COMMD1: variants seen among roughly 807,000 people sequenced by gnomAD.
COMMD1 encodes the protein COMM domain-containing protein 1.
A neutral mutation model predicts 17.2 loss-of-function variants in COMMD1; 10 were observed. The ratio of observed to expected loss-of-function variants is 0.58; its 90% CI spans 0.36 to 0.99. The LOEUF is 0.99. Ranked by LOEUF, COMMD1 falls within the 50% of genes least tolerant of loss-of-function variation. The probability of loss-of-function intolerance (pLI) is 0.01; values close to 1 mark genes in which losing one functional copy is unlikely to be tolerated. For missense variants in COMMD1, 270 were observed against 231.8 expected (o/e 1.17, Z -1.07); for synonymous variants, 97 against 91.6 (o/e 1.06, Z -0.34).
rs376905651 is a variant in COMMD1 at position 62,043,203 on chromosome 2, A to C, written c.462+42221A>C. ...AATAGCTTGTACCTTGGCCAGGTGGAGATTAAACAAGAACAGCAGTTACTA... is the reference window on the plus strand; with the variant it reads ...AATAGCTTGTACCTTGGCCAGGTGGCGATTAAACAAGAACAGCAGTTACTA... On this transcript the variant is annotated intron_variant, in intron 2 of 2. Coordinates refer to ENST00000311832, the MANE Select transcript of COMMD1 (RefSeq NM_152516.4). Among the ~76,000 whole-genome samples, 15 of 152,344 alleles carry C rather than the reference A, an allele frequency of 9.8e-5. No homozygotes were observed. The East Asian group carries it at 2.3e-3, about 23-fold the overall frequency.
intron 2 of COMMD1, among the ~76,000 whole-genome samples, chr2:62,097,065 A>G (rs992321729): frequency 2.0e-5 from 3 of 152,258 alleles, no homozygotes; most frequent in Admixed American, 1.3e-4. Flanking sequence ...AATGCACTAC[A>G]TAAATCAGTA....
At chr2:62,081,398 T>C in intron 2 of COMMD1, among the ~76,000 whole-genome samples, 1 of 151,894 alleles carries the variant, frequency 6.6e-6, no homozygotes, top group East Asian at 1.9e-4. Flanking sequence ...ATTACAGGAA[T>C]GTGCCACCAC....
rs1317530664 is a variant in COMMD1, at chr2:62,035,151, A to G, written c.462+34169A>G. Among the ~76,000 whole-genome samples, 5 of 152,228 alleles carry G rather than the reference A, an allele frequency of 3.3e-5. No homozygotes were observed. In the East Asian group the frequency reaches 9.6e-4, roughly 29 times the overall value. On this transcript the variant is annotated intron_variant, in intron 2 of 2. Coordinates refer to ENST00000311832, the MANE Select transcript of COMMD1 (RefSeq NM_152516.4). Reference sequence around the variant, plus strand: ...CAGCACAGGGCCTTGGATAGAGTGGAGTAGGCATTCATGATAAGTTTAACT... The same window carrying G: ...CAGCACAGGGCCTTGGATAGAGTGGGGTAGGCATTCATGATAAGTTTAACT...
chr2:62,101,448 A>C (rs1672174910), intron 2 of COMMD1, among the ~76,000 whole-genome samples: 1 of 152,108 alleles, frequency 6.6e-6, no homozygotes, highest in African/African-American at 2.4e-5. Context: ...ATCTCTACAA[A>C]AAATTTAAAA....
At chr2:61,978,661 G>T (rs1382520766) in intron 1 of COMMD1, among the ~76,000 whole-genome samples, 3 of 152,160 alleles carry the variant, frequency 2.0e-5, no homozygotes, top group Non-Finnish European at 4.4e-5. Flanking sequence ...TCATTCATCT[G>T]ACTGGCAGTT....
chr2:61,934,995 G>T (rs1670566449), intron 1 of COMMD1, among the ~76,000 whole-genome samples: 1 of 152,210 alleles, frequency 6.6e-6, no homozygotes, highest in South Asian at 2.1e-4. Flanking sequence ...TTATTTCCTG[G>T]AGCAGAGCAT....
chr2:62,069,076 CTT>C, intron 2 of COMMD1, among the ~76,000 whole-genome samples: 1 of 152,240 alleles, frequency 6.6e-6, no homozygotes, highest in Admixed American at 6.5e-5. Context: ...TTTACGAAAA[CTT>C]TGCTTTGTAT....
At chr2:62,113,244 C>T (rs1005445054) in intron 2 of COMMD1, among the ~76,000 whole-genome samples, 1 of 151,814 alleles carries the variant, frequency 6.6e-6, no homozygotes, top group South Asian at 2.1e-4. Context: ...ACTAGCTACT[C>T]AGGAGGCTGA....
At chr2:61,903,045 C>G (rs182922411), upstream of COMMD1, among the ~76,000 whole-genome samples, 1 of 152,102 alleles carries the variant, frequency 6.6e-6, no homozygotes, top group Non-Finnish European at 1.5e-5. Flanking sequence ...GTAAAACAAT[C>G]TATAGTTTGT....
At chr2:61,924,027 A>G (rs941496021) in intron 1 of COMMD1, among the ~76,000 whole-genome samples, 1 of 152,128 alleles carries the variant, frequency 6.6e-6, no homozygotes, top group African/African-American at 2.4e-5. Context: ...TCCACCCGCC[A>G]TGGCCTTCCA....
intron 1 of COMMD1, among the ~76,000 whole-genome samples, chr2:61,986,276 G>A (rs1183992301): frequency 6.6e-6 from 1 of 151,650 alleles, no homozygotes; most frequent in Non-Finnish European, 1.5e-5. Flanking sequence ...CATGTTATTT[G>A]TTTCTTTTCT....
rs1472732832 is a variant in COMMD1, at chr2:62,091,555, A to G, written c.463-44276A>G. Among the ~76,000 whole-genome samples, 9 of 152,328 alleles carry G rather than the reference A, an allele frequency of 5.9e-5. No homozygotes were observed. The East Asian group carries it at 1.5e-3, about 26-fold the overall frequency. On this transcript the variant is annotated intron_variant, in intron 2 of 2. Coordinates refer to ENST00000311832, the MANE Select transcript of COMMD1 (RefSeq NM_152516.4). ...GTGGAGGGTACATCTAAGTATGCCC[A>G]TGTCTGGGTATTCCATAATGCTTCC... is the stretch of plus-strand genomic sequence containing the variant.
At chr2:61,904,999 C>T (rs1040454696), upstream of COMMD1, among the ~76,000 whole-genome samples, 1 of 152,134 alleles carries the variant, frequency 6.6e-6, no homozygotes, top group African/African-American at 2.4e-5. Flanking sequence ...CACGTTGTAG[C>T]ATGTATCAGT....
chr2:61,968,644 C>T (rs1308840930), intron 1 of COMMD1, among the ~76,000 whole-genome samples: 1 of 152,056 alleles, frequency 6.6e-6, no homozygotes, highest in Admixed American at 6.6e-5. Flanking sequence ...GCAGCCTTGG[C>T]CTTCTGGGCT....
intron 2 of COMMD1, among the ~76,000 whole-genome samples, chr2:62,126,889 C>T (rs7593420): frequency 0.12 from 17,736 of 152,098 alleles, 1,343 homozygotes; most frequent in Non-Finnish European, 0.17. Flanking sequence ...GGCAAGCAGG[C>T]AAGAGAAAGA....
At chr2:62,041,461 A>G (rs1670195753) in intron 2 of COMMD1, among the ~76,000 whole-genome samples, 1 of 152,202 alleles carries the variant, frequency 6.6e-6, no homozygotes, top group African/African-American at 2.4e-5. Flanking sequence ...GTTGGAGTAC[A>G]GTGGTGCTAT....
intron 2 of COMMD1, among the ~76,000 whole-genome samples, chr2:62,089,108 C>T (rs1671752588): frequency 6.6e-6 from 1 of 151,996 alleles, no homozygotes; most frequent in Non-Finnish European, 1.5e-5. Context: ...CTCTTAGAGA[C>T]AATAGATGAC....
At chr2:62,000,578 C>T in intron 1 of COMMD1, 123 bp from the exon 2 acceptor site, 1 of 951,256 alleles carries the variant, frequency 1.1e-6, no homozygotes, top group Non-Finnish European at 1.6e-6. Context: ...AGGTGTGAGC[C>T]ATTGTGTCTG....
chr2:61,917,893 T>C (rs540304485), intron 1 of COMMD1, among the ~76,000 whole-genome samples: 23 of 152,364 alleles, frequency 1.5e-4, no homozygotes, highest in African/African-American at 5.5e-4. Flanking sequence ...AAATAATGGA[T>C]GTAGAATATA....
Sources: allele counts gnomAD v4.1 joint callset (sites outside exome capture counted in the v4.1 genomes callset), GRCh38; gene constraint gnomAD v4.1.1; transcripts MANE v1.5; gene names NCBI Gene and HGNC (gene_info 2026-07-23, HGNC 2026-07-21).